The following CNTN5 variants were observed in gnomAD, a reference collection of about 807,000 sequenced individuals.
CNTN5 encodes contactin-5.
In CNTN5, 77 loss-of-function variants were observed where a neutral mutation model predicts 129.1. The ratio of observed to expected loss-of-function variants is 0.60; its 90% confidence interval spans 0.50 to 0.72. The LOEUF (loss-of-function observed/expected upper bound fraction) is 0.72, where lower values mean the gene tolerates loss of function less well. Among genes scored for constraint, CNTN5 ranks in the 30% least tolerant of loss-of-function variants. The pLI, the probability that CNTN5 is intolerant of heterozygous loss-of-function variation, is 0.00. For synonymous variants in CNTN5, 509 were observed against 465.6 expected (o/e 1.09, Z -1.20); for missense variants, 1,478 against 1,328.8 (o/e 1.11, Z -1.75).
intron 3 of CNTN5, among the ~76,000 whole-genome samples, chr11:99,722,238 C>T (rs79762750): frequency 0.038 from 5,854 of 152,180 alleles, 225 homozygotes; most frequent in East Asian, 0.2. Flanking sequence ...ACCTAAATTT[C>T]CATCAGTGAC....
chr11:100,110,357 G>A (rs79497956), intron 13 of CNTN5, among the ~76,000 whole-genome samples: 1,623 of 152,046 alleles, frequency 0.011, 18 homozygotes, highest in East Asian at 0.043. Context: ...ACCTGTAGAC[G>A]TGTCATATTT....
chr11:99,259,340 A>G (rs1241084733), intron 1 of CNTN5, among the ~76,000 whole-genome samples: 3 of 151,828 alleles, frequency 2.0e-5, no homozygotes, highest in South Asian at 2.1e-4. Flanking sequence ...ATGTTTACAC[A>G]TAAGTATTAA....
At chr11:100,159,310 A>G (rs1030234154) in intron 13 of CNTN5, among the ~76,000 whole-genome samples, 1 of 151,876 alleles carries the variant, frequency 6.6e-6, no homozygotes, top group Admixed American at 6.6e-5. Flanking sequence ...CTTCATAATG[A>G]TTACATAGGT....
chr11:99,778,962 C>T (rs968319372), intron 3 of CNTN5, among the ~76,000 whole-genome samples: 1 of 151,548 alleles, frequency 6.6e-6, no homozygotes, highest in African/African-American at 2.4e-5. Context: ...TCTCAATGTC[C>T]AGGTGAACTG....
chr11:99,657,421 G>A (rs1565396794), intron 3 of CNTN5, among the ~76,000 whole-genome samples: 1 of 152,090 alleles, frequency 6.6e-6, no homozygotes. Flanking sequence ...GGGCAGGGCT[G>A]CCTAATACTC....
Position 99,087,602 on chromosome 11 carries a change from G to A in CNTN5, c.-210+66332G>A, listed in dbSNP as rs1177349692. Among the ~76,000 whole-genome samples, 3 of 152,256 alleles carry A rather than the reference G, an allele frequency of 2.0e-5. No homozygotes were observed. In the East Asian group the frequency reaches 5.8e-4, roughly 29 times the overall value. Reference sequence around the variant, plus strand: ...TCATACATTTAATCCAGGTGGTTGTGCACAATCATCTCCCTAGTACTTCTT... The same window carrying A: ...TCATACATTTAATCCAGGTGGTTGTACACAATCATCTCCCTAGTACTTCTT... On this transcript the variant is annotated intron_variant, in intron 1 of 24. Coordinates refer to ENST00000524871, the MANE Select transcript of CNTN5 (RefSeq NM_014361.4).
intron 2 of CNTN5, among the ~76,000 whole-genome samples, chr11:99,437,673 C>T (rs967848566): frequency 2.7e-4 from 41 of 152,000 alleles, no homozygotes; most frequent in African/African-American, 9.9e-4. Context: ...ACTAAAAATA[C>T]AAAAATTAGC....
chr11:99,412,586 T>C (rs1308965636), intron 2 of CNTN5, among the ~76,000 whole-genome samples: 1 of 152,216 alleles, frequency 6.6e-6, no homozygotes. Context: ...TGTTGATATT[T>C]ATTACACATA....
At chr11:100,198,300 A>G (rs1290257149) in intron 15 of CNTN5, among the ~76,000 whole-genome samples, 2 of 151,992 alleles carry the variant, frequency 1.3e-5, no homozygotes, top group Non-Finnish European at 2.9e-5. Context: ...GTTGAAGACT[A>G]GAAAGAGATT....
chr11:100,350,543 A>C (rs2139037899), intron 23 of CNTN5, among the ~76,000 whole-genome samples, 159 bp from the exon 24 acceptor site: 1 of 151,756 alleles, frequency 6.6e-6, no homozygotes, highest in African/African-American at 2.4e-5. Context: ...CCTTTTGTGT[A>C]CTTCTACTGC....
chr11:99,425,716 A>G (rs1943091194), intron 2 of CNTN5, among the ~76,000 whole-genome samples: 1 of 152,254 alleles, frequency 6.6e-6, no homozygotes, highest in Non-Finnish European at 1.5e-5. Context: ...CTGAGAATGC[A>G]GGGATGCCGA....
intron 3 of CNTN5, among the ~76,000 whole-genome samples, chr11:99,790,033 G>A (rs529825468): frequency 1.3e-5 from 2 of 151,950 alleles, no homozygotes; most frequent in Non-Finnish European, 2.9e-5. Flanking sequence ...GCAGTTTTTG[G>A]TTTTCTGTTG....
At chr11:99,062,664 G>A (rs1864935033) in intron 1 of CNTN5, among the ~76,000 whole-genome samples, 1 of 117,932 alleles carries the variant, frequency 8.5e-6, no homozygotes, top group Non-Finnish European at 1.9e-5. Flanking sequence ...CTGCATGCAA[G>A]CATTGAAGGG....
chr11:100,287,347 C>A (rs1950821282), intron 18 of CNTN5, among the ~76,000 whole-genome samples: 1 of 150,590 alleles, frequency 6.6e-6, no homozygotes, highest in African/African-American at 2.4e-5. Context: ...ATGTTAAGGG[C>A]AGCCAGAGAG....
intron 21 of CNTN5, among the ~76,000 whole-genome samples, chr11:100,335,645 G>A (rs1235605722): frequency 6.6e-6 from 1 of 152,062 alleles, no homozygotes; most frequent in Non-Finnish European, 1.5e-5. Flanking sequence ...GTAGGCACCT[G>A]TAATCCCAGC....
chr11:99,428,055 T>C (rs1315105739), intron 2 of CNTN5, among the ~76,000 whole-genome samples: 2 of 152,074 alleles, frequency 1.3e-5, no homozygotes, highest in African/African-American at 4.8e-5. Flanking sequence ...TATTCCTCTT[T>C]CTTAAATAAA....
intron 13 of CNTN5, among the ~76,000 whole-genome samples, chr11:100,176,999 T>G (rs1232005884): frequency 2.0e-5 from 3 of 151,902 alleles, no homozygotes; most frequent in Non-Finnish European, 4.4e-5. Flanking sequence ...GTGAAGATAT[T>G]CAGCTCTTCT....
chr11:99,133,427 G>A (rs1294171710), intron 1 of CNTN5, among the ~76,000 whole-genome samples: 1 of 151,750 alleles, frequency 6.6e-6, no homozygotes, highest in Admixed American at 6.6e-5. Context: ...AAATGAAAGA[G>A]TTTTTGCATA....
At chr11:99,201,351 T>TTCCTTCC (rs59358470) in intron 1 of CNTN5, among the ~76,000 whole-genome samples, 11,572 of 88,192 alleles carry the variant, frequency 0.13, 1,241 homozygotes, top group South Asian at 0.19. Flanking sequence ...CTTCCTTTCC[T>TTCCTTCC]TTCCTTCCTT....
Sources: allele counts gnomAD v4.1 joint callset (sites outside exome capture counted in the v4.1 genomes callset), GRCh38; gene constraint gnomAD v4.1.1; transcripts MANE v1.5; gene names NCBI Gene and HGNC (gene_info 2026-07-23, HGNC 2026-07-21).